The following LINGO2 variants were observed in gnomAD, a reference collection of about 807,000 sequenced individuals.
The protein encoded by LINGO2 is leucine-rich repeat and immunoglobulin-like domain-containing nogo receptor-interacting protein 2.
Under a neutral mutation model 30.6 loss-of-function variants are expected in LINGO2, and 14 were observed. The ratio of observed to expected loss-of-function variants is 0.46; its 90% CI spans 0.30 to 0.72. The LOEUF (loss-of-function observed/expected upper bound fraction) is 0.72, where lower values mean the gene tolerates loss of function less well. Ranked by LOEUF, LINGO2 falls within the 30% of genes least tolerant of loss-of-function variation. LINGO2 has a pLI of 0.07. For missense variants in LINGO2, 729 were observed against 751.7 expected (o/e 0.97, Z 0.35); for synonymous variants, 317 against 288.5 (o/e 1.10, Z -1.00).
intron 4 of LINGO2, among the ~76,000 whole-genome samples, chr9:28,053,086 G>GAT (rs1824751505): frequency 6.6e-6 from 1 of 152,090 alleles, no homozygotes; most frequent in Admixed American, 6.6e-5. Flanking sequence ...AAGAACATGT[G>GAT]ATAACCCCTG....
intron 4 of LINGO2, among the ~76,000 whole-genome samples, chr9:28,235,392 T>C (rs1305414811): frequency 6.6e-6 from 1 of 152,144 alleles, no homozygotes; most frequent in Admixed American, 6.5e-5. Flanking sequence ...GCCCAGACTA[T>C]AAAGACTATA....
chr9:28,322,339 T>C (rs1825074076), intron 3 of LINGO2, among the ~76,000 whole-genome samples: 1 of 152,050 alleles, frequency 6.6e-6, no homozygotes, highest in African/African-American at 2.4e-5. Flanking sequence ...TTCATTCCAC[T>C]TAAAAAATAT....
At chr9:28,488,604 A>G (rs1181379329) in intron 1 of LINGO2, among the ~76,000 whole-genome samples, 1 of 152,208 alleles carries the variant, frequency 6.6e-6, no homozygotes, top group Non-Finnish European at 1.5e-5. Context: ...AAAATAAGAA[A>G]ACAACAGCAC....
the LINGO2 span, among the ~76,000 whole-genome samples, chr9:28,688,230 T>G: frequency 6.6e-6 from 1 of 152,196 alleles, no homozygotes; most frequent in Admixed American, 6.6e-5. Context: ...TTAAGGATTC[T>G]CTTTATGATC....
chr9:28,780,822 T>G, the LINGO2 span, among the ~76,000 whole-genome samples: 1 of 147,350 alleles, frequency 6.8e-6, no homozygotes, highest in East Asian at 2.1e-4. Context: ...TATATGATCT[T>G]GGTAGTAATG....
chr9:28,958,640 T>C, the LINGO2 span, among the ~76,000 whole-genome samples: 1 of 152,094 alleles, frequency 6.6e-6, no homozygotes, highest in East Asian at 1.9e-4. Context: ...ATTATGCACC[T>C]ACGCTTTACT....
At chr9:28,799,691 A>G in the LINGO2 span, among the ~76,000 whole-genome samples, 59 of 152,242 alleles carry the variant, frequency 3.9e-4, no homozygotes, top group East Asian at 2.9e-3. Flanking sequence ...ATAAAGTAGA[A>G]GTAGTAATTC....
chr9:28,141,344 C>T (rs62556548), intron 4 of LINGO2, among the ~76,000 whole-genome samples: 10,558 of 152,150 alleles, frequency 0.069, 458 homozygotes, highest in African/African-American at 0.12. Context: ...GGTGTGGGAA[C>T]GTTGGTGTGT....
the LINGO2 span, among the ~76,000 whole-genome samples, chr9:28,723,233 C>G: frequency 2.6e-5 from 4 of 152,122 alleles, no homozygotes; most frequent in Non-Finnish European, 5.9e-5. Flanking sequence ...AATATGCTCT[C>G]AGGTGACGTT....
At chr9:28,343,726 G>T (rs2134402421) in intron 3 of LINGO2, among the ~76,000 whole-genome samples, 1 of 152,240 alleles carries the variant, frequency 6.6e-6, no homozygotes. Context: ...CAAAAATGTA[G>T]GGAAAAAATT....
chr9:29,200,057 CT>C, the LINGO2 span, among the ~76,000 whole-genome samples: 1 of 152,002 alleles, frequency 6.6e-6, no homozygotes, highest in African/African-American at 2.4e-5. Flanking sequence ...AGATAAAAAG[CT>C]ATTACAGAAA....
the LINGO2 span, among the ~76,000 whole-genome samples, chr9:28,995,095 G>T: frequency 6.6e-6 from 1 of 151,764 alleles, no homozygotes; most frequent in East Asian, 1.9e-4. Flanking sequence ...CTACAAAATG[G>T]GAGAAAATTT....
At chr9:28,957,605 CA>C in the LINGO2 span, among the ~76,000 whole-genome samples, 7 of 152,108 alleles carry the variant, frequency 4.6e-5, no homozygotes, top group Non-Finnish European at 7.4e-5. Context: ...TCAATGTCTC[CA>C]ATCTGTGGAA....
chr9:29,100,390 T>G, the LINGO2 span, among the ~76,000 whole-genome samples: 1 of 151,942 alleles, frequency 6.6e-6, no homozygotes, highest in Admixed American at 6.6e-5. Flanking sequence ...TGAGGTCAGT[T>G]CAAGACCAGC....
chr9:28,215,863 G>T (rs1820749011), intron 4 of LINGO2, among the ~76,000 whole-genome samples: 1 of 151,790 alleles, frequency 6.6e-6, no homozygotes, highest in Non-Finnish European at 1.5e-5. Context: ...CAAACTGAAA[G>T]CCATACCTGC....
At chr9:28,370,540 T>G (rs1680411787) in intron 3 of LINGO2, among the ~76,000 whole-genome samples, 1 of 152,166 alleles carries the variant, frequency 6.6e-6, no homozygotes, top group Non-Finnish European at 1.5e-5. Context: ...CTAAACTTTA[T>G]AAATATGGTA....
At chr9:27,952,745 A>G (rs1819378931) in intron 5 of LINGO2, among the ~76,000 whole-genome samples, 1 of 152,078 alleles carries the variant, frequency 6.6e-6, no homozygotes, top group African/African-American at 2.4e-5. Flanking sequence ...CTTCCAATAA[A>G]TTCCAGATGA....
chr9:28,243,649 A>C (rs1348279392), intron 4 of LINGO2, among the ~76,000 whole-genome samples: 1 of 151,362 alleles, frequency 6.6e-6, no homozygotes, highest in Non-Finnish European at 1.5e-5. Context: ...ACAAAAAAAC[A>C]AAAAAAACGG....
At chr9:28,908,159 AC>A in the LINGO2 span, among the ~76,000 whole-genome samples, 3 of 10,472 alleles carry the variant, frequency 2.9e-4, no homozygotes, top group African/African-American at 7.8e-4. Context: ...ACACACATAC[AC>A]ACACACACAC....
Sources: allele counts gnomAD v4.1 joint callset (sites outside exome capture counted in the v4.1 genomes callset), GRCh38; gene constraint gnomAD v4.1.1; transcripts MANE v1.5; gene names NCBI Gene and HGNC (gene_info 2026-07-23, HGNC 2026-07-21).